The following GPC5 variants were observed in gnomAD, a reference collection of about 807,000 sequenced individuals.
GPC5 encodes glypican-5.
Under a neutral mutation model 53.9 loss-of-function variants are expected in GPC5, and 47 were observed. The ratio of observed to expected loss-of-function variants is 0.87; its 90% CI spans 0.69 to 1.11. The LOEUF is 1.11. Ranked by LOEUF, GPC5 falls within the 50% of genes most tolerant of loss-of-function variation. The pLI, the probability that GPC5 is intolerant of heterozygous loss-of-function variation, is 0.00. For synonymous variants in GPC5, 286 were observed against 263.3 expected, an observed-to-expected ratio of 1.09 and a Z score of -0.84; for missense variants, 748 against 713.1, an observed-to-expected ratio of 1.05 and a Z score of -0.56.
At chr13:91,603,216 CCACCTGG>C (rs1304354437) in intron 2 of GPC5, among the ~76,000 whole-genome samples, 2 of 152,206 alleles carry the variant, frequency 1.3e-5, no homozygotes, top group African/African-American at 4.8e-5. Flanking sequence ...CTCATCCAGA[CCACCTGG>C]CAGGAAGAAA....
rs527859395 is a variant in GPC5 at position 92,520,125 on chromosome 13, AG to A, written c.1562-346155del. Among the ~76,000 whole-genome samples the A allele has an allele frequency of 1.9e-3, 293 of 152,254 alleles. 1 individual carries two copies. Among genetic ancestry groups the A allele is most frequent in the African/African-American group, 6.6e-3 (275 of 41,548 alleles). On this transcript the variant is annotated intron_variant, in intron 7 of 7. Transcript: ENST00000377067. The stretch of plus-strand genomic sequence containing the variant: ...AGACCAATAACAGGCTCTGAAATTG[AG>A]GCAATAATTAATAGCCTACCAACCA...
intron 7 of GPC5, among the ~76,000 whole-genome samples, chr13:92,628,396 C>T (rs975270007): frequency 1.3e-5 from 2 of 150,092 alleles, no homozygotes; most frequent in African/African-American, 4.9e-5. Flanking sequence ...CTGCCTCAGC[C>T]TGAATTAATC....
chr13:92,455,078 G>C (rs1473055604), intron 7 of GPC5, among the ~76,000 whole-genome samples: 2 of 152,122 alleles, frequency 1.3e-5, no homozygotes, highest in Non-Finnish European at 2.9e-5. Flanking sequence ...TCAGAGCAAG[G>C]AATGGAAGAG....
In GPC5 at chr13:91,932,855, T is replaced by C. The variant is rs141700454; in HGVS notation, c.1401+24798T>C. Among the ~76,000 whole-genome samples the C allele has an allele frequency of 8.3e-3, 1,255 of 152,112 alleles. 15 individuals carry two copies. The highest frequency in any genetic ancestry group is 0.028 in the African/African-American group (1,167 of 41,526). ...AGAGGTTAGACTGCATTTCTCTAAG[T>C]ATATTCCAACGACACCAAAATAGTA... On this transcript the variant is annotated intron_variant, in intron 6 of 7. Coordinates refer to ENST00000377067, the MANE Select transcript of GPC5 (RefSeq NM_004466.6).
intron 5 of GPC5, among the ~76,000 whole-genome samples, chr13:91,792,687 G>T (rs967109164): frequency 6.6e-6 from 1 of 152,104 alleles, no homozygotes; most frequent in Non-Finnish European, 1.5e-5. Flanking sequence ...GTTAGGTTAG[G>T]TCAGCTGTTT....
chr13:91,453,627 G>A (rs1881337686), intron 2 of GPC5, among the ~76,000 whole-genome samples: 1 of 151,486 alleles, frequency 6.6e-6, no homozygotes, highest in Admixed American at 6.6e-5. Flanking sequence ...GCCTAGGCTG[G>A]TAGTGTTGGG....
At position 92,527,148 on chromosome 13, in the gene GPC5, GAAAGAAAGAAAGAAAGAAAGAAAGAGAA is replaced by G. The variant is rs1594277730; in HGVS notation, c.1562-339132_1562-339105del. On this transcript the variant is annotated intron_variant, in intron 7 of 7. Coordinates refer to ENST00000377067, the MANE Select transcript of GPC5 (RefSeq NM_004466.6). ...AGAAAGAAAGAAAGAAAGAAAGAAAGAAAGAAAGAAAGAAAGAAAGAAAGAGAAAGAAAGAAGAAAGAAAGAAAGAAAG... is the reference window on the plus strand; with the variant it reads ...AGAAAGAAAGAAAGAAAGAAAGAAAGAGAAAGAAGAAAGAAAGAAAGAAAG... 2.3e-4 allele frequency among the ~76,000 whole-genome samples: 26 copies of G among 113,044 alleles called. 2 individuals carry two copies. Among genetic ancestry groups the G allele is most frequent in the Admixed American group, 7.8e-4 (8 of 10,236 alleles). 74.2% of individuals were successfully genotyped at this position (113,044 alleles called of 152,430 possible). A position where few individuals can be genotyped will look rare whatever the true frequency, so the allele number is the denominator to read the frequency against.
chr13:92,044,071 C>T (rs556064710), intron 6 of GPC5, among the ~76,000 whole-genome samples: 1 of 152,242 alleles, frequency 6.6e-6, no homozygotes, highest in African/African-American at 2.4e-5. Context: ...ATGTTTAGTT[C>T]AATCCCCTTT....
At position 92,592,528 on chromosome 13, in the gene GPC5, T is replaced by A. The variant is rs567747150; in HGVS notation, c.1562-273754T>A. Among the ~76,000 whole-genome samples the A allele has an allele frequency of 5.4e-4, 81 of 151,310 alleles. 1 individual carries two copies. The highest frequency in any genetic ancestry group is 1.9e-3 in the African/African-American group (77 of 41,338). Reference sequence around the variant, plus strand: ...AGGACCACAGAAAAATTCTTAACCCTTTGTGGAGCTTACATTCAAGAAAGA... The same window carrying A: ...AGGACCACAGAAAAATTCTTAACCCATTGTGGAGCTTACATTCAAGAAAGA... On this transcript the variant is annotated intron_variant, in intron 7 of 7. Coordinates refer to ENST00000377067, the MANE Select transcript of GPC5 (RefSeq NM_004466.6).
At chr13:92,428,075 AAG>A (rs1423071073) in intron 7 of GPC5, among the ~76,000 whole-genome samples, 1 of 152,136 alleles carries the variant, frequency 6.6e-6, no homozygotes, top group African/African-American at 2.4e-5. Flanking sequence ...ATCAACAAAA[AAG>A]AGAAAGAGTC....
At chr13:92,706,470 T>G (rs1050276477) in intron 7 of GPC5, among the ~76,000 whole-genome samples, 4 of 151,982 alleles carry the variant, frequency 2.6e-5, no homozygotes, top group Admixed American at 6.6e-5. Context: ...AGCACTAGTG[T>G]TGGAAAATGA....
intron 2 of GPC5, among the ~76,000 whole-genome samples, chr13:91,592,399 A>G (rs1414711): frequency 0.99 from 151,187 of 152,262 alleles, 75,069 homozygotes; most frequent in Middle Eastern, 1. Context: ...AGCCCCCTGC[A>G]ACCACTGGCA....
At chr13:92,278,180 A>G (rs1304515145) in intron 7 of GPC5, among the ~76,000 whole-genome samples, 5 of 151,908 alleles carry the variant, frequency 3.3e-5, no homozygotes, top group Non-Finnish European at 7.4e-5. Flanking sequence ...GCCTTTTGGT[A>G]AACAAAGTGT....
intron 6 of GPC5, among the ~76,000 whole-genome samples, chr13:92,109,541 A>G (rs1301634147): frequency 1.3e-5 from 2 of 152,134 alleles, no homozygotes; most frequent in Admixed American, 6.5e-5. Context: ...TTGATGAAAA[A>G]TGACTATGAA....
intron 7 of GPC5, among the ~76,000 whole-genome samples, chr13:92,365,306 A>G (rs1402383709): frequency 6.6e-6 from 1 of 151,784 alleles, no homozygotes; most frequent in Admixed American, 6.5e-5. Flanking sequence ...TTAAACATAG[A>G]AAAGGTACAG....
At chr13:91,752,933 C>T (rs1594522754) in intron 4 of GPC5, among the ~76,000 whole-genome samples, 1 of 152,174 alleles carries the variant, frequency 6.6e-6, no homozygotes, top group South Asian at 2.1e-4. Context: ...GAGATTTACA[C>T]CTAGTAAATT....
intron 7 of GPC5, among the ~76,000 whole-genome samples, chr13:92,631,176 G>T (rs2139131996): frequency 6.6e-6 from 1 of 151,968 alleles, no homozygotes; most frequent in African/African-American, 2.4e-5. Flanking sequence ...AATTAAATGA[G>T]AAAATGCTTG....
chr13:91,800,848 T>C (rs1376647754), intron 5 of GPC5, among the ~76,000 whole-genome samples: 2 of 148,892 alleles, frequency 1.3e-5, no homozygotes, highest in East Asian at 4.3e-4. Context: ...ACTTTACACA[T>C]TTCAAAGTTG....
chr13:92,455,442 T>A (rs1306540521), intron 7 of GPC5, among the ~76,000 whole-genome samples: 1 of 152,178 alleles, frequency 6.6e-6, no homozygotes, highest in East Asian at 1.9e-4. Flanking sequence ...AAATAGATAA[T>A]CATAAAGTGT....
Sources: gnomAD v4.1 joint callset for allele counts (sites outside exome capture counted in the v4.1 genomes callset) on GRCh38, gnomAD v4.1.1 for gene constraint, MANE v1.5 for transcripts, NCBI Gene and HGNC (gene_info 2026-07-23, HGNC 2026-07-21) for gene names.